Variants in ZNF112 observed in about 807,000 individuals in gnomAD.
ZNF112 encodes the protein zinc finger protein 112 (Y14).
In ZNF112, 37 loss-of-function variants were observed where a neutral mutation model predicts 77.7. That is an observed-to-expected ratio of 0.48 (90% confidence interval 0.37 to 0.63). The LOEUF (loss-of-function observed/expected upper bound fraction) is 0.63. Among genes scored for constraint, ZNF112 ranks in the 20% least tolerant of loss-of-function variants. The pLI is 0.00. For synonymous variants in ZNF112, 333 were observed against 363.6 expected (o/e 0.92, Z 0.96); for missense variants, 950 against 1,077.4 (o/e 0.88, Z 1.66).
chr19:44,346,894 T>C (rs961636639), intron 1 of ZNF112, among the ~76,000 whole-genome samples: 1 of 152,152 alleles, frequency 6.6e-6, no homozygotes, highest in African/African-American at 2.4e-5. Flanking sequence ...ATGAAAACAA[T>C]GTGCATTCTG....
At chr19:44,347,485 A>ACTTTTTTTTTTTTTTTTTTTT (rs1555804139) in intron 1 of ZNF112, among the ~76,000 whole-genome samples, 3 of 40,322 alleles carry the variant, frequency 7.4e-5, no homozygotes, top group African/African-American at 2.2e-4. Context: ...TTTTGGGTTG[A>ACTTTTTTTTTTTTTTTTTTTT]TTTTTTTTTT....
chr19:44,353,344 T>C (rs755304207), intron 1 of ZNF112, among the ~76,000 whole-genome samples: 2 of 152,080 alleles, frequency 1.3e-5, no homozygotes, highest in Admixed American at 6.5e-5. Context: ...GCAGACTTCT[T>C]AGATATGACA....
intron 1 of ZNF112, among the ~76,000 whole-genome samples, chr19:44,346,101 TAAG>T (rs1970584329): frequency 6.6e-6 from 1 of 152,230 alleles, no homozygotes; most frequent in Admixed American, 6.5e-5. Flanking sequence ...GTGATACCTT[TAAG>T]AAGGTTTCGC....
intron 1 of ZNF112, among the ~76,000 whole-genome samples, chr19:44,361,987 T>C (rs1426817532): frequency 6.6e-6 from 1 of 152,154 alleles, no homozygotes; most frequent in Admixed American, 6.6e-5. Flanking sequence ...ATGATATGTT[T>C]CAAAGGAAAC....
chr19:44,333,739 G>GTA lies in ZNF112; in HGVS notation c.220+2882_220+2883dup, dbSNP rs1381145625. 2.0e-5 allele frequency among the ~76,000 whole-genome samples: 3 copies of GTA among 152,220 alleles called. No homozygotes were observed. The East Asian group carries it at 5.8e-4, about 29-fold the overall frequency. On this transcript the variant is annotated intron_variant, in intron 3 of 3. Transcript: ENST00000354340. ...TGAGGCCTCCCCAGCCATGCTTCCT[G>GTA]TATAGCCTATGGAACCATGAGTCAA...
Position 44,363,780 on chromosome 19 carries a change from G to C in ZNF112, c.17+3301C>G, listed in dbSNP as rs142711693. On this transcript the variant is annotated intron_variant, in intron 1 of 4. Coordinates refer to the ZNF112 transcript ENST00000588057. ...TCTTTTCTCTGGAATAAATATCTAT[G>C]ATTAGAATTGCTTGATGTGTTTAAC... 1.6e-3 allele frequency among the ~76,000 whole-genome samples: 247 copies of C among 152,296 alleles called. 1 individual carries two copies. Among genetic ancestry groups the C allele is most frequent in the African/African-American group, 5.6e-3 (233 of 41,562 alleles).
In ZNF112 at chr19:44,332,778, T is replaced by C. The variant is rs565765925; in HGVS notation, c.221-2842A>G. Among the ~76,000 whole-genome samples the C allele has an allele frequency of 3.9e-4, 59 of 152,298 alleles. 1 individual carries two copies. The highest frequency in any genetic ancestry group is 1.3e-3 in the African/African-American group (56 of 41,564). On this transcript the variant is annotated intron_variant, in intron 3 of 3. Coordinates refer to ENST00000354340, the MANE Select transcript of ZNF112 (RefSeq NM_013380.4). Reference sequence around the variant, plus strand: ...AATATATGAGATTAAAGTTTCTCTCTGAGCAGTGGGTTTTGCAATGTTAAG... The same window carrying C: ...AATATATGAGATTAAAGTTTCTCTCCGAGCAGTGGGTTTTGCAATGTTAAG...
intron 3 of ZNF112, among the ~76,000 whole-genome samples, chr19:44,335,497 T>C (rs1269954534): frequency 6.6e-6 from 1 of 152,106 alleles, no homozygotes; most frequent in Non-Finnish European, 1.5e-5. Context: ...GGTAAAAAAA[T>C]TAAGGTATTT....
upstream of ZNF112, among the ~76,000 whole-genome samples, chr19:44,357,644 T>G (rs1970806965): frequency 6.6e-6 from 1 of 152,134 alleles, no homozygotes; most frequent in Non-Finnish European, 1.5e-5. Flanking sequence ...TTCCTCTGCT[T>G]TAACTACTGA....
At chr19:44,358,865 T>C (rs1280344164), upstream of ZNF112, among the ~76,000 whole-genome samples, 2 of 152,122 alleles carry the variant, frequency 1.3e-5, no homozygotes, top group Non-Finnish European at 2.9e-5. Context: ...TTTCCCGACC[T>C]CCACACCCCC....
chr19:44,348,658 T>C (rs1023902626), intron 1 of ZNF112, among the ~76,000 whole-genome samples: 1 of 152,050 alleles, frequency 6.6e-6, no homozygotes, highest in African/African-American at 2.4e-5. Context: ...AAGCAACCAA[T>C]GAAATTAGTC....
chr19:44,346,923 A>G (rs537858597), intron 1 of ZNF112, among the ~76,000 whole-genome samples: 15 of 152,232 alleles, frequency 9.9e-5, no homozygotes, highest in Non-Finnish European at 1.0e-4. Flanking sequence ...AGAGTGCTCT[A>G]CAAATGTCAA....
At chr19:44,337,903 G>A (rs1428345375) in intron 2 of ZNF112, among the ~76,000 whole-genome samples, 2 of 122,562 alleles carry the variant, frequency 1.6e-5, no homozygotes, top group Non-Finnish European at 3.4e-5. Flanking sequence ...CTGAGACAAA[G>A]AAACATAGAT....
At chr19:44,365,499 TAAA>T (rs539230310) in intron 1 of ZNF112, among the ~76,000 whole-genome samples, 180 of 151,938 alleles carry the variant, frequency 1.2e-3, no homozygotes, top group Non-Finnish European at 2.1e-3. Context: ...TGTGTGTGTG[TAAA>T]AATTGTATAC....
At chr19:44,347,462 T>C (rs961261013) in intron 1 of ZNF112, among the ~76,000 whole-genome samples, 1 of 150,780 alleles carries the variant, frequency 6.6e-6, no homozygotes, top group African/African-American at 2.4e-5. Context: ...CTATTACCCC[T>C]TTTTCTGCCT....
At chr19:44,341,269 G>A (rs1970484923) in intron 1 of ZNF112, 1 of 449,086 alleles carries the variant, frequency 2.2e-6, no homozygotes, top group Non-Finnish European at 4.5e-6. Context: ...AGAACTAATG[G>A]TCTAGAATAT....
intron 1 of ZNF112, among the ~76,000 whole-genome samples, chr19:44,342,709 G>A (rs1038395907): frequency 2.6e-5 from 4 of 151,818 alleles, no homozygotes; most frequent in African/African-American, 7.3e-5. Flanking sequence ...CCAGCTACTC[G>A]GGAGGCTGAG....
rs376999795 is a variant in ZNF112 at position 44,327,961 on chromosome 19, A to T, written c.2196T>A (p.Gly732=). ...TCACTCTAGTGTGGACTCTCTGATG[A>T]CCTTGAAGATATGCTCTCTGACTGA... ...KGFSQRAYLQ[G]HQRVHTRVKP... is the part of the protein sequence containing the mutation. Residue 732 remains glycine, a synonymous_variant, in exon 4 of 4, where the codon GGT becomes GGA. Coordinates refer to ENST00000354340, the MANE Select transcript of ZNF112 (RefSeq NM_013380.4). 109 of 1,610,682 alleles carry T rather than the reference A, an allele frequency of 6.8e-5. 1 individual carries two copies. In the South Asian group the frequency reaches 1.1e-3, roughly 17 times the overall value.
chr19:44,327,739 C>T lies in ZNF112; in HGVS notation c.2418G>A (p.Lys806=). 1.2e-6 allele frequency: 2 copies of T among 1,613,784 alleles called. No individual in the cohort carries two copies. The highest frequency in any genetic ancestry group is 8.5e-7 in the Non-Finnish European group (1 of 1,179,924). ...GRPYKCEQCG[K]GFSGYSSLQA... is the part of the protein sequence containing the mutation. ...GAAGACTTGAATACCCACTGAAACCCTTACCACACTGTTCACATTTATAGG... is the reference window on the plus strand; with the variant it reads ...GAAGACTTGAATACCCACTGAAACCTTTACCACACTGTTCACATTTATAGG... Residue 806 remains lysine (K), a synonymous_variant, in exon 4 of 4, where the codon AAG becomes AAA. Coordinates refer to ENST00000354340, the MANE Select transcript of ZNF112 (RefSeq NM_013380.4).
Sources: allele counts gnomAD v4.1 joint callset (sites outside exome capture counted in the v4.1 genomes callset), GRCh38; gene constraint gnomAD v4.1.1; transcripts MANE v1.5; gene names NCBI Gene and HGNC (gene_info 2026-07-23, HGNC 2026-07-21).